CYP7B1: variants seen among roughly 807,000 people sequenced by gnomAD.
CYP7B1 encodes cytochrome P450 family 7 subfamily B member 1.
CYP7B1 carries 29 observed loss-of-function variants against 42.7 expected under a neutral mutation model. The ratio of observed to expected loss-of-function variants is 0.68; its 90% CI spans 0.51 to 0.93. The LOEUF is 0.93. Among genes scored for constraint, CYP7B1 ranks in the 40% least tolerant of loss-of-function variants. The probability of loss-of-function intolerance (pLI) is 0.00; values close to 1 mark genes in which losing one functional copy is unlikely to be tolerated. For missense variants in CYP7B1, 655 were observed against 600.5 expected, an observed-to-expected ratio of 1.09 and a Z score of -0.95; for synonymous variants, 235 against 218.2, an observed-to-expected ratio of 1.08 and a Z score of -0.68.
chr8:64,764,712 A>G (rs1807944683), intron 1 of CYP7B1, among the ~76,000 whole-genome samples: 1 of 152,232 alleles, frequency 6.6e-6, no homozygotes, highest in African/African-American at 2.4e-5. Flanking sequence ...AGAAAGTAGA[A>G]AAATAACCTT....
At chr8:64,612,738 T>C (rs570256145) in intron 4 of CYP7B1, among the ~76,000 whole-genome samples, 53 of 152,268 alleles carry the variant, frequency 3.5e-4, no homozygotes, top group African/African-American at 1.3e-3. Flanking sequence ...TCTTTTTTCC[T>C]CTTATAATGA....
intron 1 of CYP7B1, among the ~76,000 whole-genome samples, chr8:64,785,354 G>A (rs1222984412): frequency 6.6e-6 from 1 of 152,170 alleles, no homozygotes; most frequent in Non-Finnish European, 1.5e-5. Context: ...TGTTGCCCAT[G>A]CATACTTACC....
chr8:64,591,562 T>TG lies in CYP7B1; in HGVS notation c.*5079_*5080insC, dbSNP rs1805033225. Among the ~76,000 whole-genome samples, 6 of 152,176 alleles carry TG rather than the reference T, an allele frequency of 3.9e-5. No individual in the cohort carries two copies. Among genetic ancestry groups the TG allele is most frequent in the Non-Finnish European group, 8.8e-5 (6 of 68,036 alleles). The stretch of plus-strand genomic sequence containing the variant: ...TAAGTTAGAAGTCACTTGCAGAAAA[T>TG]TACCCAAATTATTTTTATGATAAAA... On this transcript the variant is annotated 3_prime_UTR_variant, in exon 6 of 6. Transcript: ENST00000310193.
At chr8:64,766,682 C>T (rs1807978141) in intron 1 of CYP7B1, among the ~76,000 whole-genome samples, 2 of 152,096 alleles carry the variant, frequency 1.3e-5, no homozygotes, top group Non-Finnish European at 2.9e-5. Context: ...AATAAGCCAC[C>T]CCCTCGTCCT....
At chr8:64,788,869 C>T (rs1245227159) in intron 1 of CYP7B1, among the ~76,000 whole-genome samples, 1 of 152,038 alleles carries the variant, frequency 6.6e-6, no homozygotes, top group Admixed American at 6.5e-5. Flanking sequence ...CCCAAGAATC[C>T]AGATGATGTT....
intron 1 of CYP7B1, among the ~76,000 whole-genome samples, chr8:64,772,660 T>G (rs928821581): frequency 1.3e-5 from 2 of 152,182 alleles, no homozygotes; most frequent in African/African-American, 4.8e-5. Context: ...CTTACAGGTG[T>G]CTGGCTTCTA....
intron 1 of CYP7B1, among the ~76,000 whole-genome samples, chr8:64,737,481 T>C (rs1807507091): frequency 6.6e-6 from 1 of 152,230 alleles, no homozygotes; most frequent in African/African-American, 2.4e-5. Flanking sequence ...CATTAAAATC[T>C]GTAAAGCATA....
rs11435388 is a variant in CYP7B1, at chr8:64,677,706, GTTTTTTTTTTTTTTT to G, written c.123-53182_123-53168del. ...GCATAAGAAGGAACCACACTCCTTG[GTTTTTTTTTTTTTTT>G]TTTTTTTTTTTACATAGAAATGTAT... is the stretch of plus-strand genomic sequence containing the variant. On this transcript the variant is annotated intron_variant, in intron 1 of 5. Coordinates refer to ENST00000310193, the MANE Select transcript of CYP7B1 (RefSeq NM_004820.5). Among the ~76,000 whole-genome samples the G allele has an allele frequency of 6.9e-5, 6 of 86,400 alleles. No individual in the cohort carries two copies. The South Asian group carries it at 1.5e-3, about 21-fold the overall frequency. The allele number at this position is 86,400 out of a possible 152,430, so 56.7% of individuals were successfully genotyped here.
At chr8:64,778,282 C>T (rs1328158972) in intron 1 of CYP7B1, among the ~76,000 whole-genome samples, 1 of 150,074 alleles carries the variant, frequency 6.7e-6, no homozygotes, top group Non-Finnish European at 1.5e-5. Context: ...CATATACATG[C>T]ATGTAAGTGA....
intron 1 of CYP7B1, among the ~76,000 whole-genome samples, chr8:64,742,197 TTTAG>T (rs1259177725): frequency 1.3e-5 from 2 of 151,648 alleles, no homozygotes; most frequent in Non-Finnish European, 2.9e-5. Context: ...TTTTAAGATC[TTTAG>T]TTAATGTAAA....
At chr8:64,707,409 T>G (rs716283) in intron 1 of CYP7B1, among the ~76,000 whole-genome samples, 43,841 of 151,818 alleles carry the variant, frequency 0.29, 7,561 homozygotes, top group African/African-American at 0.48. Context: ...ATCTAGGGGG[T>G]TTTATTTGGC....
chr8:64,681,157 T>A (rs1429101634), intron 1 of CYP7B1, among the ~76,000 whole-genome samples: 1 of 152,206 alleles, frequency 6.6e-6, no homozygotes, highest in Non-Finnish European at 1.5e-5. Flanking sequence ...TTTCTAATTA[T>A]CTATGAAAAG....
chr8:64,687,913 T>C (rs1363502219), intron 1 of CYP7B1, among the ~76,000 whole-genome samples: 3 of 152,240 alleles, frequency 2.0e-5, no homozygotes, highest in Non-Finnish European at 4.4e-5. Flanking sequence ...TGAATCTACC[T>C]AAGGTTGTCT....
intron 1 of CYP7B1, among the ~76,000 whole-genome samples, chr8:64,790,374 T>C (rs1804597433): frequency 6.6e-6 from 1 of 152,180 alleles, no homozygotes. Context: ...CAAAGGACCC[T>C]AGGAGATTAC....
chr8:64,604,869 A>C lies in CYP7B1; in HGVS notation c.1058-12T>G. On this transcript the variant is annotated splice_polypyrimidine_tract_variant and intron_variant, in intron 4 of 5. Coordinates refer to ENST00000310193, the MANE Select transcript of CYP7B1 (RefSeq NM_004820.5). ...AAAAATGCTGCTTTCTGAAGGAAAA[A>C]AACAAACGATAGCTTATTAAGATAG... is the stretch of plus-strand genomic sequence containing the variant. 1 of 1,612,744 alleles carries C rather than the reference A, an allele frequency of 6.2e-7. No individual in the cohort carries two copies. Among genetic ancestry groups the C allele is most frequent in the East Asian group, 2.2e-5 (1 of 44,868 alleles).
intron 1 of CYP7B1, among the ~76,000 whole-genome samples, chr8:64,674,934 A>AT (rs938872807): frequency 9.9e-5 from 15 of 151,964 alleles, no homozygotes; most frequent in African/African-American, 2.2e-4. Flanking sequence ...CAATTTAAAG[A>AT]TTTTTTTTAT....
At chr8:64,719,754 A>G (rs1342912004) in intron 1 of CYP7B1, among the ~76,000 whole-genome samples, 1 of 152,252 alleles carries the variant, frequency 6.6e-6, no homozygotes, top group Non-Finnish European at 1.5e-5. Context: ...ATTAAAGAAC[A>G]GCCCACGCAT....
Position 64,651,909 on chromosome 8 carries a change from A to C in CYP7B1, c.123-27370T>G, listed in dbSNP as rs940501309. 8.5e-5 allele frequency among the ~76,000 whole-genome samples: 13 copies of C among 152,354 alleles called. No homozygotes were observed. The South Asian group carries it at 1.7e-3, about 19-fold the overall frequency. ...ACTAAGACAGCTCCCTTTTCTGCAA[A>C]GCAGAGATAATAATACTGTTTACGT... On this transcript the variant is annotated intron_variant, in intron 1 of 5. Transcript: ENST00000310193.
chr8:64,648,049 T>C (rs961719497), intron 1 of CYP7B1, among the ~76,000 whole-genome samples: 6 of 152,160 alleles, frequency 3.9e-5, no homozygotes, highest in African/African-American at 1.2e-4. Context: ...CTATACTCAA[T>C]TTGTGTCAAG....
Sources: allele counts gnomAD v4.1 joint callset (sites outside exome capture counted in the v4.1 genomes callset), GRCh38; gene constraint gnomAD v4.1.1; transcripts MANE v1.5; gene names NCBI Gene and HGNC (gene_info 2026-07-23, HGNC 2026-07-21).